CASK: variants seen among roughly 807,000 people sequenced by gnomAD.
The protein encoded by CASK is calcium/calmodulin dependent serine protein kinase.
A neutral mutation model predicts 82.9 loss-of-function variants in CASK; 4 were observed. The ratio of observed to expected loss-of-function variants is 0.05; its 90% CI spans 0.02 to 0.11. The LOEUF (loss-of-function observed/expected upper bound fraction) is 0.11, where lower values mean the gene tolerates loss of function less well. Ranked by LOEUF, CASK falls within the 10% of genes least tolerant of loss-of-function variation. CASK has a pLI of 1.00. For synonymous variants in CASK, 259 were observed against 253.5 expected, an observed-to-expected ratio of 1.02 and a Z score of -0.20; for missense variants, 358 against 720.9, an observed-to-expected ratio of 0.50 and a Z score of 5.76.
chrX:41,916,647 G>A (rs771984225), intron 1 of CASK, among the ~76,000 whole-genome samples: 52 of 112,132 alleles, frequency 4.6e-4, no homozygotes, highest in African/African-American at 1.6e-3. Flanking sequence ...CAGACTCAGC[G>A]GCTGCAGCTC....
intron 14 of CASK, among the ~76,000 whole-genome samples, chrX:41,582,232 G>A (rs1047498597): frequency 1.5e-4 from 17 of 112,047 alleles, no homozygotes; most frequent in Non-Finnish European, 1.7e-4. Context: ...ATTTTCCTGC[G>A]TGCCATCACT....
chrX:41,544,503 T>C (rs2064991858), intron 21 of CASK, among the ~76,000 whole-genome samples: 2 of 98,265 alleles, frequency 2.0e-5, no homozygotes, highest in Non-Finnish European at 4.1e-5. Context: ...GAGGTGGAGG[T>C]TGCAGTGATT....
chrX:41,534,854 A>C, intron 23 of CASK, 39 bp downstream of exon 23: 1 of 1,138,346 alleles, frequency 8.8e-7, no homozygotes, highest in Non-Finnish European at 1.2e-6. Context: ...AATGTTTTGA[A>C]AGTGAGAATA....
chrX:41,736,395 G>C (rs2068498625), intron 5 of CASK, among the ~76,000 whole-genome samples: 1 of 111,780 alleles, frequency 8.9e-6, no homozygotes, highest in African/African-American at 3.3e-5. Context: ...AGCTACTCTG[G>C]AGGCTGAGGC....
chrX:41,715,949 CAGG>C (rs1173716190), intron 5 of CASK, among the ~76,000 whole-genome samples: 1 of 111,924 alleles, frequency 8.9e-6, no homozygotes, highest in African/African-American at 3.3e-5. Context: ...TGGGTTTTGA[CAGG>C]AGTAGACACT....
At chrX:41,822,153 A>C (rs1313957692) in intron 2 of CASK, among the ~76,000 whole-genome samples, 4 of 112,706 alleles carry the variant, frequency 3.5e-5, no homozygotes, top group Non-Finnish European at 7.5e-5. Flanking sequence ...TAGAGCAGGC[A>C]CTGACTTGTT....
intron 8 of CASK, among the ~76,000 whole-genome samples, chrX:41,652,140 T>C (rs1315771567): frequency 9.0e-6 from 1 of 110,862 alleles, no homozygotes; most frequent in Non-Finnish European, 1.9e-5. Context: ...AAGGGTCATA[T>C]AAAGGTGCTG....
chrX:41,822,557 C>CAAAAAAAAA (rs61374081), intron 2 of CASK, among the ~76,000 whole-genome samples: 5 of 50,678 alleles, frequency 9.9e-5, no homozygotes, highest in East Asian at 7.9e-4. Flanking sequence ...GACTCCGTCT[C>CAAAAAAAAA]AAAAAAAAAA....
chrX:41,813,271 C>A (rs1334190712), intron 2 of CASK, among the ~76,000 whole-genome samples: 2 of 111,373 alleles, frequency 1.8e-5, no homozygotes, highest in Non-Finnish European at 3.8e-5. Context: ...CAAAAAAGAG[C>A]CCGTATTGCC....
At chrX:41,567,400 C>G (rs778920996) in intron 16 of CASK, among the ~76,000 whole-genome samples, 6 of 111,979 alleles carry the variant, frequency 5.4e-5, no homozygotes, top group African/African-American at 1.9e-4. Flanking sequence ...AAGAAAAAAA[C>G]AAAGAACCCC....
At chrX:41,795,502 C>T (rs2069834628) in intron 2 of CASK, among the ~76,000 whole-genome samples, 2 of 109,967 alleles carry the variant, frequency 1.8e-5, no homozygotes, top group African/African-American at 6.6e-5. Flanking sequence ...CCTGTTCCTA[C>T]AAAAAATACA....
intron 25 of CASK, among the ~76,000 whole-genome samples, chrX:41,529,367 C>T (rs1323873938): frequency 3.6e-5 from 4 of 111,888 alleles, no homozygotes; most frequent in South Asian, 7.5e-4. Flanking sequence ...GAGAGCTGGA[C>T]GCTATGGGTG....
chrX:41,778,867 G>GA lies in CASK; in HGVS notation c.278+8310dup, dbSNP rs77375507. 5.3e-3 allele frequency among the ~76,000 whole-genome samples: 467 copies of GA among 87,341 alleles called. 4 individuals carry two copies. The highest frequency in any genetic ancestry group is 6.6e-3 in the Non-Finnish European group (285 of 43,429). 75.8% of individuals were successfully genotyped at this position (87,341 alleles called of 115,157 possible). ...ATGATACTGTATTTACAGTTAAAAAGAAAAAAAAAAAAACCCCAAACTCCA... is the reference window on the plus strand; with the variant it reads ...ATGATACTGTATTTACAGTTAAAAAGAAAAAAAAAAAAAACCCCAAACTCCA... On this transcript the variant is annotated intron_variant, in intron 3 of 26. Transcript: ENST00000378163.
At position 41,534,207 on chromosome X, in the gene CASK, T is replaced by C. The variant is rs1027107930; in HGVS notation, c.2317+499A>G. Among the ~76,000 whole-genome samples the C allele has an allele frequency of 1.6e-4, 18 of 111,222 alleles. 1 individual carries two copies. The highest frequency in any genetic ancestry group is 5.2e-4 in the African/African-American group (16 of 30,603). ...ACAGAAACAACTGTTAGCATATTGATTGGGTTTAAAAAGTGGTAAGAAATC... is the reference window on the plus strand; with the variant it reads ...ACAGAAACAACTGTTAGCATATTGACTGGGTTTAAAAAGTGGTAAGAAATC... On this transcript the variant is annotated intron_variant, in intron 24 of 26. Transcript: ENST00000378163.
At chrX:41,579,026 T>C in intron 14 of CASK, among the ~76,000 whole-genome samples, 1 of 112,182 alleles carries the variant, frequency 8.9e-6, no homozygotes, top group Non-Finnish European at 1.9e-5. Context: ...AGGTAGACGG[T>C]ACAATTTCAA....
intron 5 of CASK, among the ~76,000 whole-genome samples, chrX:41,699,107 T>G: frequency 9.1e-6 from 1 of 110,153 alleles, no homozygotes; most frequent in Non-Finnish European, 1.9e-5. Flanking sequence ...GTATTTTTAG[T>G]AGAGACGGGA....
rs1052993380 is a variant in CASK, at chrX:41,608,380, C to T, written c.1155+1524G>A. ...TAACCAATAAATTTAAGATCTACTTCCCCCTCCCACCATGGCAACACCCAT... is the reference window on the plus strand; with the variant it reads ...TAACCAATAAATTTAAGATCTACTTTCCCCTCCCACCATGGCAACACCCAT... On this transcript the variant is annotated intron_variant, in intron 12 of 26. Coordinates refer to ENST00000378163, the MANE Select transcript of CASK (RefSeq NM_001367721.1). Among the ~76,000 whole-genome samples, 4 of 111,714 alleles carry T rather than the reference C, an allele frequency of 3.6e-5. No homozygotes were observed. The South Asian group carries it at 1.5e-3, about 42-fold the overall frequency.
chrX:41,867,374 C>T lies in CASK; in HGVS notation c.60-14147G>A, dbSNP rs762998619. On this transcript the variant is annotated intron_variant, in intron 1 of 26. Coordinates refer to ENST00000378163, the MANE Select transcript of CASK (RefSeq NM_001367721.1). ...ATGGGTGCCATCTTCCAGACACTTACATTAGCATAGTTACATTTAAGTTAA... is the reference window on the plus strand; with the variant it reads ...ATGGGTGCCATCTTCCAGACACTTATATTAGCATAGTTACATTTAAGTTAA... Among the ~76,000 whole-genome samples, 3 of 112,288 alleles carry T rather than the reference C, an allele frequency of 2.7e-5. No homozygotes were observed. The South Asian group carries it at 1.1e-3, about 42-fold the overall frequency.
chrX:41,831,413 A>G (rs1429409220), intron 2 of CASK, among the ~76,000 whole-genome samples: 1 of 112,148 alleles, frequency 8.9e-6, no homozygotes, highest in Admixed American at 9.4e-5. Flanking sequence ...TTCTCTGAAG[A>G]TAAGACAACA....
Sources: allele counts gnomAD v4.1 joint callset (sites outside exome capture counted in the v4.1 genomes callset), GRCh38; gene constraint gnomAD v4.1.1; transcripts MANE v1.5; gene names NCBI Gene and HGNC (gene_info 2026-07-23, HGNC 2026-07-21).